Variants in CADM1 observed in about 807,000 individuals in gnomAD.
CADM1 encodes the protein cell adhesion molecule 1, also known as TSLC-1.
In CADM1, 15 loss-of-function variants were observed where a neutral mutation model predicts 53.1. The observed-to-expected ratio is 0.28, with a 90% CI of 0.19 to 0.44. CADM1 has a LOEUF of 0.44. Ranked by LOEUF, CADM1 falls within the 20% of genes least tolerant of loss-of-function variation. The probability of loss-of-function intolerance (pLI) is 1.00; values close to 1 mark genes in which losing one functional copy is unlikely to be tolerated. For synonymous variants in CADM1, 281 were observed against 243.0 expected, an observed-to-expected ratio of 1.16 and a Z score of -1.45; for missense variants, 434 against 611.3, an observed-to-expected ratio of 0.71 and a Z score of 3.06.
At chr11:115,214,820 T>G in intron 6 of CADM1, 40 bp from the exon 7 acceptor site, 1 of 1,597,494 alleles carries the variant, frequency 6.3e-7, no homozygotes, top group Non-Finnish European at 8.6e-7. Flanking sequence ...ACATTATCAT[T>G]CCCCATTGCA....
chr11:115,197,129 C>T (rs1043922661), intron 9 of CADM1, among the ~76,000 whole-genome samples: 8 of 152,184 alleles, frequency 5.3e-5, no homozygotes, highest in African/African-American at 1.9e-4. Flanking sequence ...GTTCGTTTTG[C>T]TTTCTCAGAA....
At chr11:115,277,264 C>A (rs1161034680) in intron 1 of CADM1, among the ~76,000 whole-genome samples, 1 of 152,130 alleles carries the variant, frequency 6.6e-6, no homozygotes, top group East Asian at 1.9e-4. Flanking sequence ...AATGTTGTTA[C>A]GGAGACTCGA....
At chr11:115,369,380 T>G (rs1047744176) in intron 1 of CADM1, among the ~76,000 whole-genome samples, 19 of 152,188 alleles carry the variant, frequency 1.2e-4, no homozygotes, top group Non-Finnish European at 2.9e-5. Context: ...AATCGGTTGT[T>G]CAGAGCAAGT....
At position 115,256,373 on chromosome 11, in the gene CADM1, G is replaced by A. The variant is rs150578920; in HGVS notation, c.125-15953C>T. Among the ~76,000 whole-genome samples the A allele has an allele frequency of 4.6e-5, 7 of 152,302 alleles. No individual in the cohort carries two copies. The East Asian group carries it at 1.4e-3, about 29-fold the overall frequency. On this transcript the variant is annotated intron_variant, in intron 1 of 11. Coordinates refer to ENST00000331581, the MANE Select transcript of CADM1 (RefSeq NM_001301043.2). ...AATGAGCCTCATAGAATGTCCAGGA[G>A]AAGAAAAAGTAAACACCAGTTTCAT...
intron 11 of CADM1, among the ~76,000 whole-genome samples, chr11:115,177,686 C>G (rs982234871): frequency 6.6e-6 from 1 of 151,950 alleles, no homozygotes; most frequent in African/African-American, 2.4e-5. Context: ...AGCTTACCAC[C>G]GAGAGGCTGG....
Position 115,237,524 on chromosome 11 carries a change from T to C in CADM1, c.424+976A>G, listed in dbSNP as rs912152891. ...CCATAAATACATATATGTGCACACA[T>C]ACCAAGCAAAAATGTCCTTCATATT... On this transcript the variant is annotated intron_variant, in intron 3 of 11. Transcript: ENST00000331581. Among the ~76,000 whole-genome samples the C allele has an allele frequency of 7.2e-5, 11 of 152,312 alleles. No individual in the cohort carries two copies. The East Asian group carries it at 1.5e-3, about 21-fold the overall frequency.
In CADM1 at chr11:115,214,528, CA is replaced by C. The variant is rs1941093428; in HGVS notation, c.994+79del. ...ACTGGTTTTTGATTTTCAACTTGACCAAAAGCTTTGAGAGTAAATCACAAGT... is the reference window on the plus strand; with the variant it reads ...ACTGGTTTTTGATTTTCAACTTGACCAAAGCTTTGAGAGTAAATCACAAGT... On this transcript the variant is annotated intron_variant, in intron 7 of 11. Transcript: ENST00000331581. 3.5e-6 allele frequency: 5 copies of C among 1,434,170 alleles called. No individual in the cohort carries two copies. In the African/African-American group the frequency reaches 5.6e-5, roughly 16 times the overall value. The allele number at this position is 1,434,170 out of a possible 1,614,324, so 88.8% of individuals were successfully genotyped here. A position where few individuals can be genotyped will look rare whatever the true frequency, so the allele number is the denominator to read the frequency against.
At chr11:115,496,228 G>A (rs970302935) in intron 1 of CADM1, among the ~76,000 whole-genome samples, 1 of 152,130 alleles carries the variant, frequency 6.6e-6, no homozygotes, top group South Asian at 2.1e-4. Flanking sequence ...AGAAACTTGT[G>A]GGTTGAGGTA....
chr11:115,408,610 G>A (rs1167347371), intron 1 of CADM1, among the ~76,000 whole-genome samples: 1 of 152,114 alleles, frequency 6.6e-6, no homozygotes, highest in Non-Finnish European at 1.5e-5. Context: ...CTTTTACTAT[G>A]CCATATTACA....
chr11:115,330,137 C>T (rs1332161310), intron 1 of CADM1, among the ~76,000 whole-genome samples: 1 of 151,826 alleles, frequency 6.6e-6, no homozygotes, highest in Non-Finnish European at 1.5e-5. Flanking sequence ...GCCAGGGAAC[C>T]ACCCTCTTTT....
chr11:115,428,959 G>A lies in CADM1; in HGVS notation c.124+75312C>T, dbSNP rs571879334. On this transcript the variant is annotated intron_variant, in intron 1 of 11. Transcript: ENST00000331581. ...ACATCTCACGTTTGAGGCCCAGTAC[G>A]TGGCAAGCCCAACTCTCCAGAGTGC... is the stretch of plus-strand genomic sequence containing the variant. 3.3e-5 allele frequency among the ~76,000 whole-genome samples: 5 copies of A among 152,230 alleles called. No homozygotes were observed. In the South Asian group the frequency reaches 1.0e-3, roughly 32 times the overall value.
intron 6 of CADM1, among the ~76,000 whole-genome samples, chr11:115,215,370 C>A (rs992990646): frequency 1.3e-5 from 2 of 152,176 alleles, no homozygotes; most frequent in African/African-American, 2.4e-5. Flanking sequence ...AACCTGCATC[C>A]CCCTACCCAG....
chr11:115,347,850 A>T (rs1945621757), intron 1 of CADM1, among the ~76,000 whole-genome samples: 1 of 152,186 alleles, frequency 6.6e-6, no homozygotes, highest in Non-Finnish European at 1.5e-5. Flanking sequence ...TCACAATGTC[A>T]ATCATATATA....
intron 1 of CADM1, among the ~76,000 whole-genome samples, chr11:115,352,835 G>A (rs1245100223): frequency 1.3e-5 from 2 of 152,222 alleles, no homozygotes; most frequent in East Asian, 3.9e-4. Context: ...CTCAGCTAGT[G>A]CCTGTCACAG....
intron 10 of CADM1, among the ~76,000 whole-genome samples, chr11:115,184,925 G>T (rs1939475235): frequency 6.6e-6 from 1 of 152,206 alleles, no homozygotes; most frequent in African/African-American, 2.4e-5. Flanking sequence ...GGCCTGAACA[G>T]GGGACGAGCT....
At chr11:115,393,012 T>C (rs1324586323) in intron 1 of CADM1, among the ~76,000 whole-genome samples, 1 of 137,116 alleles carries the variant, frequency 7.3e-6, no homozygotes, top group Non-Finnish European at 1.5e-5. Context: ...TGCTTGCACC[T>C]GTGAATAGCC....
intron 1 of CADM1, among the ~76,000 whole-genome samples, chr11:115,479,435 CA>C (rs1307976404): frequency 6.6e-6 from 1 of 152,014 alleles, no homozygotes; most frequent in Admixed American, 6.6e-5. Flanking sequence ...GAAAAACACA[CA>C]AGGATCCCCA....
intron 1 of CADM1, among the ~76,000 whole-genome samples, chr11:115,291,320 T>A (rs966041953): frequency 3.3e-5 from 5 of 152,238 alleles, no homozygotes; most frequent in Non-Finnish European, 5.9e-5. Flanking sequence ...TCCAGAGGCT[T>A]TGTAGAAAAA....
intron 11 of CADM1, 120 bp from the exon 12 acceptor site, chr11:115,176,712 G>A (rs532033747): frequency 3.1e-5 from 26 of 846,696 alleles, no homozygotes; most frequent in African/African-American, 2.8e-4. Context: ...CAGCAGAGGG[G>A]AAAAAACAAT....
Sources: gnomAD v4.1 joint callset for allele counts (sites outside exome capture counted in the v4.1 genomes callset) on GRCh38, gnomAD v4.1.1 for gene constraint, MANE v1.5 for transcripts, NCBI Gene and HGNC (gene_info 2026-07-23, HGNC 2026-07-21) for gene names.